The following COQ2 variants were observed in gnomAD, a reference collection of about 807,000 sequenced individuals.
COQ2 encodes coenzyme Q2, polyprenyltransferase, also known as 4-hydroxybenzoate polyprenyltransferase, mitochondrial.
In COQ2, 25 loss-of-function variants were observed where a neutral mutation model predicts 35.7. That is an observed-to-expected ratio of 0.70 (90% CI 0.51 to 0.98). The LOEUF (loss-of-function observed/expected upper bound fraction) is 0.98. Ranked by LOEUF, COQ2 falls within the 50% of genes least tolerant of loss-of-function variation. The probability of loss-of-function intolerance (pLI) is 0.00; values close to 1 mark genes in which losing one functional copy is unlikely to be tolerated. For missense variants in COQ2, 488 were observed against 473.5 expected (o/e 1.03, Z -0.28); for synonymous variants, 206 against 186.2 (o/e 1.11, Z -0.86).
At chr4:83,282,081 A>G (rs1278969424) in intron 1 of COQ2, among the ~76,000 whole-genome samples, 1 of 152,214 alleles carries the variant, frequency 6.6e-6, no homozygotes, top group Non-Finnish European at 1.5e-5. Context: ...TTTTGTAGAA[A>G]AGGGAAAAAC....
intron 2 of COQ2, among the ~76,000 whole-genome samples, chr4:83,276,096 A>C (rs1735176053): frequency 6.9e-6 from 1 of 144,966 alleles, no homozygotes; most frequent in Admixed American, 7.0e-5. Context: ...ATACATATTC[A>C]TATATATACA....
In COQ2 at chr4:83,269,997, C is replaced by A. The variant is rs1735009472; in HGVS notation, c.629-4G>T. 6 of 1,612,942 alleles carry A rather than the reference C, an allele frequency of 3.7e-6. No individual in the cohort carries two copies. Among genetic ancestry groups the A allele is most frequent in the Non-Finnish European group, 5.1e-6 (6 of 1,179,548 alleles). On this transcript the variant is annotated splice_region_variant and splice_polypyrimidine_tract_variant and intron_variant, in intron 4 of 6. Transcript: ENST00000647002. The stretch of plus-strand genomic sequence containing the variant: ...GCTCCCCAATTAAATGTCAAGCCTA[C>A]AATTAGCAAAACACAAAAAGGGGGA...
At chr4:83,266,362 T>G (rs996747177) in intron 6 of COQ2, among the ~76,000 whole-genome samples, 31 of 113,430 alleles carry the variant, frequency 2.7e-4, no homozygotes, top group South Asian at 1.9e-3. Context: ...TTCTTTTTTT[T>G]TTGTTTTTTT....
intron 2 of COQ2, among the ~76,000 whole-genome samples, chr4:83,274,084 A>G (rs146985905): frequency 1.7e-3 from 258 of 150,602 alleles, no homozygotes; most frequent in African/African-American, 6.1e-3. Flanking sequence ...TGAGCCTAGG[A>G]GGTTGAAGCT....
intron 1 of COQ2, chr4:83,284,174 T>C: frequency 9.1e-6 from 9 of 985,394 alleles, no homozygotes; most frequent in Non-Finnish European, 1.1e-5. Flanking sequence ...TTTAAACAAG[T>C]GTTTGTGGAA....
At position 83,284,779 on chromosome 4, in the gene COQ2, C is replaced by A. The variant is rs997602319; in HGVS notation, c.-15G>T. ...GAGCCCAGCATGGCGCTGGTGAGGC[C>A]GGGACGAGCTCGGATTGACGTCATT... On this transcript the variant is annotated 5_prime_UTR_variant, in exon 1 of 7. Coordinates refer to ENST00000647002, the MANE Select transcript of COQ2 (RefSeq NM_001358921.2). 1 of 1,563,002 alleles carries A rather than the reference C, an allele frequency of 6.4e-7. No homozygotes were observed. The highest frequency in any genetic ancestry group is 8.6e-7 in the Non-Finnish European group (1 of 1,161,498).
rs752308219 is a variant in COQ2, at chr4:83,264,168, G to A, written c.*31C>T. The A allele has an allele frequency of 1.9e-6, 2 of 1,050,186 alleles. No homozygotes were observed. 65.1% of individuals were successfully genotyped at this position (1,050,186 alleles called of 1,614,324 possible). A position where few individuals can be genotyped will look rare whatever the true frequency, so the allele number is the denominator to read the frequency against. On this transcript the variant is annotated 3_prime_UTR_variant, in exon 7 of 7. Transcript: ENST00000647002. The stretch of plus-strand genomic sequence containing the variant: ...AATCTAATTATATTTTGTAAAAAAT[G>A]TTTTAAAAATTCCTAGATAAATTTC...
intron 1 of COQ2, chr4:83,281,350 G>A (rs1175040293): frequency 6.6e-6 from 1 of 152,178 alleles, no homozygotes; most frequent in Non-Finnish European, 1.5e-5. Context: ...ACAGAAAGAC[G>A]TGTAACCACT....
chr4:83,284,801 C>G, upstream of COQ2: 1 of 1,569,732 alleles, frequency 6.4e-7, no homozygotes, highest in Non-Finnish European at 8.6e-7. Context: ...GGATTGACGT[C>G]ATTCCCCGGC....
At chr4:83,269,828 A>T (rs1735003829) in intron 5 of COQ2, 32 bp downstream of exon 5, 1 of 1,500,558 alleles carries the variant, frequency 6.7e-7, no homozygotes, top group Non-Finnish European at 8.9e-7. Flanking sequence ...AGCAACAACT[A>T]AACCAAAGTT....
chr4:83,264,397 C>G, intron 6 of COQ2, 34 bp from the exon 7 acceptor site: 1 of 1,549,874 alleles, frequency 6.5e-7, no homozygotes, highest in Non-Finnish European at 8.7e-7. Flanking sequence ...GTATTAATAC[C>G]TAGTCTGGAC....
At chr4:83,280,442 T>C (rs1298209651) in intron 1 of COQ2, among the ~76,000 whole-genome samples, 2 of 152,228 alleles carry the variant, frequency 1.3e-5, no homozygotes, top group Non-Finnish European at 2.9e-5. Flanking sequence ...TTCACTAAGT[T>C]TAAGCTTTAT....
At chr4:83,273,664 C>A (rs1735101030) in intron 2 of COQ2, 47 bp from the exon 3 acceptor site, 19 of 1,578,972 alleles carry the variant, frequency 1.2e-5, no homozygotes, top group Non-Finnish European at 1.6e-5. Context: ...ATGACTCAAT[C>A]ATTTATTTAA....
At chr4:83,272,059 G>C in intron 4 of COQ2, 28 bp downstream of exon 4, 1 of 1,435,608 alleles carries the variant, frequency 7.0e-7, no homozygotes, top group Non-Finnish European at 9.7e-7. Context: ...AATATCAAAG[G>C]AAATACTTTT....
Position 83,275,974 on chromosome 4 carries a change from GC to G in COQ2, c.421-2358del, listed in dbSNP as rs376123364. Among the ~76,000 whole-genome samples, 15 of 136,060 alleles carry G rather than the reference GC, an allele frequency of 1.1e-4. No homozygotes were observed. In the East Asian group the frequency reaches 2.2e-3, roughly 20 times the overall value. The allele number at this position is 136,060 out of a possible 152,430, so 89.3% of individuals were successfully genotyped here. A position where few individuals can be genotyped will look rare whatever the true frequency, so the allele number is the denominator to read the frequency against. On this transcript the variant is annotated intron_variant, in intron 2 of 6. Coordinates refer to ENST00000647002, the MANE Select transcript of COQ2 (RefSeq NM_001358921.2). ...TATCTTGAAGTGATACATGCCAGAA[GC>G]CTCATTCATATATATTTTTATATAG...
At chr4:83,265,935 G>C (rs1359042464) in intron 6 of COQ2, among the ~76,000 whole-genome samples, 1 of 152,160 alleles carries the variant, frequency 6.6e-6, no homozygotes, top group Non-Finnish European at 1.5e-5. Flanking sequence ...AAAGTGTTGG[G>C]ATTACAGGCG....
intron 4 of COQ2, among the ~76,000 whole-genome samples, chr4:83,270,508 T>C (rs1036194824): frequency 2.0e-5 from 3 of 152,208 alleles, no homozygotes; most frequent in African/African-American, 7.2e-5. Flanking sequence ...AATCTCCACT[T>C]GCAAGCCTGA....
chr4:83,284,598 A>G lies in COQ2; in HGVS notation c.167T>C (p.Leu56Pro), dbSNP rs778040875. 6.5e-6 allele frequency: 10 copies of G among 1,538,726 alleles called. 1 individual carries two copies. The highest frequency in any genetic ancestry group is 7.9e-6 in the Non-Finnish European group (9 of 1,143,740). Reference protein sequence around the residue: ...PACPEPRGRQLSLSAAAVVDS... With the variant: ...PACPEPRGRQPSLSAAAVVDS... ...CACCACCGCCGCCGCGGACAAACTG[A>G]GCTGGCGCCCGCGCGGCTCGGGACA... The change falls in exon 1 of 7, where the codon CTC (leucine) becomes CCC (proline). Residue 56 changes from leucine (L) to proline (P), a missense_variant. Transcript: ENST00000647002.
chr4:83,273,412 G>A lies in COQ2; in HGVS notation c.542+84C>T, dbSNP rs1281774028. ...TAATAAGTAGCAAATGAACAACTTT[G>A]TGATAAAGATATTTCATTTTATTCC... On this transcript the variant is annotated intron_variant, in intron 3 of 6. Transcript: ENST00000647002. 10 of 1,400,316 alleles carry A rather than the reference G, an allele frequency of 7.1e-6. No homozygotes were observed. The Admixed American group carries it at 1.4e-4, about 19-fold the overall frequency. 86.7% of individuals were successfully genotyped at this position (1,400,316 alleles called of 1,614,324 possible).
Sources: allele counts gnomAD v4.1 joint callset (sites outside exome capture counted in the v4.1 genomes callset), GRCh38; gene constraint gnomAD v4.1.1; transcripts MANE v1.5; gene names NCBI Gene and HGNC (gene_info 2026-07-23, HGNC 2026-07-21).